The following EPS8 variants were observed in gnomAD, a reference collection of about 807,000 sequenced individuals.
EPS8 encodes EGFR pathway substrate 8, signaling adaptor.
A neutral mutation model predicts 103.8 loss-of-function variants in EPS8; 42 were observed. The ratio of observed to expected loss-of-function variants is 0.40; its 90% CI spans 0.32 to 0.52. EPS8 has a LOEUF of 0.52. Among genes scored for constraint, EPS8 ranks in the 20% least tolerant of loss-of-function variants. The pLI is 0.40. For missense variants in EPS8, 969 were observed against 1,005.1 expected, an observed-to-expected ratio of 0.96 and a Z score of 0.49; for synonymous variants, 344 against 344.6, an observed-to-expected ratio of 1.00 and a Z score of 0.02.
intron 1 of EPS8, among the ~76,000 whole-genome samples, chr12:15,753,621 C>T (rs78432515): frequency 1.7e-3 from 259 of 152,188 alleles, no homozygotes; most frequent in Non-Finnish European, 3.0e-3. Context: ...AAAGATAACA[C>T]GTAATAAAAA....
intron 13 of EPS8, among the ~76,000 whole-genome samples, chr12:15,652,024 C>T (rs1431398613): frequency 6.6e-6 from 1 of 151,986 alleles, no homozygotes; most frequent in Non-Finnish European, 1.5e-5. Flanking sequence ...GAGACCTGAT[C>T]AATTTAATAA....
chr12:15,725,531 T>C lies in EPS8; in HGVS notation c.-21-42559A>G, dbSNP rs1475436688. On this transcript the variant is annotated intron_variant, in intron 1 of 20. Transcript: ENST00000281172. The surrounding 1 kb of genome is among the most constrained non-coding windows in gnomAD (Gnocchi z 4.5). ...ATACATTTTGTAGTTTACACGGCAC[T>C]TCATTTACATTGTCCTGCCTAATTC... Among the ~76,000 whole-genome samples the C allele has an allele frequency of 6.6e-6, 1 of 152,012 alleles. No homozygotes were observed. Among genetic ancestry groups the C allele is most frequent in the African/African-American group, 2.4e-5 (1 of 41,386 alleles).
In EPS8 at chr12:15,761,989, G is replaced by C. The variant is rs1947046877; in HGVS notation, c.-22+27172C>G. On this transcript the variant is annotated intron_variant, in intron 1 of 20. Coordinates refer to ENST00000281172, the MANE Select transcript of EPS8 (RefSeq NM_004447.6). This position sits in a 1 kb window ranked among gnomAD's most constrained non-coding sequence, Gnocchi z 4.5. ...ATAGCAAATGAAACAACAAAGTGAA[G>C]AGACAACCCACAGAATCAGAGAAAA... 6.6e-6 allele frequency among the ~76,000 whole-genome samples: 1 copy of C among 150,690 alleles called. No individual in the cohort carries two copies. The highest frequency in any genetic ancestry group is 6.6e-5 in the Admixed American group (1 of 15,252).
At position 15,700,004 on chromosome 12, in the gene EPS8, A is replaced by G. The variant is rs1565506890; in HGVS notation, c.-21-17032T>C. Among the ~76,000 whole-genome samples, 1 of 152,144 alleles carries G rather than the reference A, an allele frequency of 6.6e-6. No homozygotes were observed. Among genetic ancestry groups the G allele is most frequent in the African/African-American group, 2.4e-5 (1 of 41,424 alleles). On this transcript the variant is annotated intron_variant, in intron 1 of 20. Coordinates refer to ENST00000281172, the MANE Select transcript of EPS8 (RefSeq NM_004447.6). This position sits in a 1 kb window ranked among gnomAD's most constrained non-coding sequence, Gnocchi z 5.1. ...CCCCATCTCTACTAAAAACACAAACATTAGCCGGACGTGGTGCTACACAAC... is the reference window on the plus strand; with the variant it reads ...CCCCATCTCTACTAAAAACACAAACGTTAGCCGGACGTGGTGCTACACAAC...
rs963170873 is a variant in EPS8, at chr12:15,749,699, A to G, written c.-22+39462T>C. 6.6e-6 allele frequency among the ~76,000 whole-genome samples: 1 copy of G among 152,172 alleles called. No homozygotes were observed. The highest frequency in any genetic ancestry group is 1.5e-5 in the Non-Finnish European group (1 of 68,028). ...AACAACATATATCATATTGTTCATA[A>G]TATCTTCATATTGCATTGTTCATTA... On this transcript the variant is annotated intron_variant, in intron 1 of 20. Transcript: ENST00000281172. This position sits in a 1 kb window ranked among gnomAD's most constrained non-coding sequence, Gnocchi z 4.0.
intron 12 of EPS8, among the ~76,000 whole-genome samples, chr12:15,656,957 C>T (rs76337834): frequency 0.028 from 4,284 of 152,190 alleles, 161 homozygotes; most frequent in African/African-American, 0.088. Context: ...GGTCCAAGCA[C>T]CATAATCCCC....
At chr12:15,632,366 A>T (rs1945062252) in intron 17 of EPS8, among the ~76,000 whole-genome samples, 1 of 152,222 alleles carries the variant, frequency 6.6e-6, no homozygotes, top group Non-Finnish European at 1.5e-5. Flanking sequence ...TAATAATTTT[A>T]AAATCATGAT....
In EPS8 at chr12:15,777,642, G is replaced by T. The variant is rs145501024; in HGVS notation, c.-22+11519C>A. Among the ~76,000 whole-genome samples, 1 of 152,298 alleles carries T rather than the reference G, an allele frequency of 6.6e-6. No individual in the cohort carries two copies. The highest frequency in any genetic ancestry group is 2.4e-5 in the African/African-American group (1 of 41,570). On this transcript the variant is annotated intron_variant, in intron 1 of 20. Coordinates refer to ENST00000281172, the MANE Select transcript of EPS8 (RefSeq NM_004447.6). This position sits in a 1 kb window ranked among gnomAD's most constrained non-coding sequence, Gnocchi z 4.7. ...CATGACTGAGATCTCACCAGGCAGT[G>T]AGAAAGAGTTAGAATAGTAATTGGA...
intron 1 of EPS8, among the ~76,000 whole-genome samples, chr12:15,743,493 G>A (rs1335452717): frequency 3.9e-5 from 6 of 152,090 alleles, no homozygotes; most frequent in South Asian, 2.1e-4. Flanking sequence ...GGAGGCTCAC[G>A]CTACCTGACT....
chr12:15,631,069 C>T (rs1470980562), intron 18 of EPS8, among the ~76,000 whole-genome samples: 1 of 152,192 alleles, frequency 6.6e-6, no homozygotes, highest in Non-Finnish European at 1.5e-5. Context: ...TCCTATGAAG[C>T]AGATACTATT....
chr12:15,697,984 C>A lies in EPS8; in HGVS notation c.-21-15012G>T. Reference sequence around the variant, plus strand: ...AAGTTCATGTCTATTACAGAAATTTCTCTATGGGAACATATTTCCAGTTGT... The same window carrying A: ...AAGTTCATGTCTATTACAGAAATTTATCTATGGGAACATATTTCCAGTTGT... On this transcript the variant is annotated intron_variant, in intron 1 of 20. Transcript: ENST00000281172. This position sits in a 1 kb window ranked among gnomAD's most constrained non-coding sequence, Gnocchi z 5.6. 6.6e-6 allele frequency among the ~76,000 whole-genome samples: 1 copy of A among 152,120 alleles called. No individual in the cohort carries two copies.
intron 1 of EPS8, among the ~76,000 whole-genome samples, chr12:15,694,027 A>G (rs1946210186): frequency 6.6e-6 from 1 of 152,242 alleles, no homozygotes; most frequent in Non-Finnish European, 1.5e-5. Context: ...AAACCTGCAC[A>G]TTGAGCACAT....
chr12:15,746,875 T>G (rs915132251), intron 1 of EPS8, among the ~76,000 whole-genome samples: 2 of 152,180 alleles, frequency 1.3e-5, no homozygotes, highest in African/African-American at 4.8e-5. Context: ...CACTACTGTT[T>G]GCATGCTCCT....
Position 15,696,691 on chromosome 12 carries a change from C to A in EPS8, c.-21-13719G>T, listed in dbSNP as rs117303691. ...GATGAATCAGAAGGTCAGAGAAAAA[C>A]ACCTGAACTACTATTCCACTTGGGA... On this transcript the variant is annotated intron_variant, in intron 1 of 20. Transcript: ENST00000281172. The surrounding 1 kb of genome is among the most constrained non-coding windows in gnomAD (Gnocchi z 4.8). Among the ~76,000 whole-genome samples the A allele has an allele frequency of 0.037, 5,573 of 152,064 alleles. 155 individuals carry two copies. Among genetic ancestry groups the A allele is most frequent in the Non-Finnish European group, 0.057 (3,888 of 67,960 alleles).
intron 1 of EPS8, among the ~76,000 whole-genome samples, chr12:15,729,730 T>A (rs1946693140): frequency 2.0e-5 from 3 of 152,210 alleles, no homozygotes; most frequent in Admixed American, 2.0e-4. Context: ...TGTTGGAGAT[T>A]TACTTATCTT....
intron 1 of EPS8, among the ~76,000 whole-genome samples, chr12:15,729,212 T>C (rs1436144831): frequency 6.6e-6 from 1 of 152,202 alleles, no homozygotes; most frequent in African/African-American, 2.4e-5. Context: ...GAATAAGATA[T>C]GCCTGTCTGT....
chr12:15,635,244 TCAGA>T (rs1335329590), intron 17 of EPS8, among the ~76,000 whole-genome samples: 1 of 152,200 alleles, frequency 6.6e-6, no homozygotes, highest in Non-Finnish European at 1.5e-5. Flanking sequence ...CATGTGCATG[TCAGA>T]CAGTAATTAT....
intron 15 of EPS8, among the ~76,000 whole-genome samples, chr12:15,646,815 A>G (rs1945326900): frequency 6.6e-6 from 1 of 152,252 alleles, no homozygotes; most frequent in South Asian, 2.1e-4. Flanking sequence ...CTCAGAGACC[A>G]TCTGGTACAA....
At chr12:15,739,339 C>G (rs917967551) in intron 1 of EPS8, among the ~76,000 whole-genome samples, 1 of 152,140 alleles carries the variant, frequency 6.6e-6, no homozygotes, top group African/African-American at 2.4e-5. Context: ...GCCAACTTCA[C>G]TAAATTAAGG....
Sources: gnomAD v4.1 joint callset for allele counts (sites outside exome capture counted in the v4.1 genomes callset) on GRCh38, gnomAD v4.1.1 for gene constraint, Gnocchi (gnomAD v3.1) non-coding constraint, MANE v1.5 for transcripts, NCBI Gene and HGNC (gene_info 2026-07-23, HGNC 2026-07-21) for gene names.